Variants in FTO observed in about 807,000 individuals in gnomAD.
The protein encoded by FTO is FTO alpha-ketoglutarate dependent dioxygenase, also known as alpha-ketoglutarate-dependent dioxygenase FTO.
A neutral mutation model predicts 63.9 loss-of-function variants in FTO; 47 were observed. The observed-to-expected ratio is 0.74, with a 90% CI of 0.58 to 0.94. FTO has a LOEUF of 0.94. Among genes scored for constraint, FTO ranks in the 40% least tolerant of loss-of-function variants. The probability of loss-of-function intolerance (pLI) is 0.00; values close to 1 mark genes in which losing one functional copy is unlikely to be tolerated. For missense variants in FTO, 562 were observed against 618.1 expected (o/e 0.91, Z 0.96); for synonymous variants, 207 against 224.4 (o/e 0.92, Z 0.69).
intron 3 of FTO, among the ~76,000 whole-genome samples, chr16:53,842,293 C>T (rs961584421): frequency 6.6e-6 from 1 of 152,180 alleles, no homozygotes; most frequent in Non-Finnish European, 1.5e-5. Context: ...TGCACATTTA[C>T]AGCTCCACTA....
chr16:53,957,593 A>G (rs1167751104), intron 8 of FTO, among the ~76,000 whole-genome samples: 4 of 152,198 alleles, frequency 2.6e-5, no homozygotes, highest in Non-Finnish European at 5.9e-5. Flanking sequence ...GAGAAACATG[A>G]GTTATTTTCA....
At position 53,934,089 on chromosome 16, in the gene FTO, G is replaced by C. The variant is rs2143262546; in HGVS notation, c.1344G>C (p.Leu448=). 2 of 1,614,190 alleles carry C rather than the reference G, an allele frequency of 1.2e-6. No homozygotes were observed. The highest frequency in any genetic ancestry group is 1.7e-6 in the Non-Finnish European group (2 of 1,179,996). ...CCTCGCTCACTGCACGCCAGAACCT[G>C]AGGAGAGAATGGCATGCCAGGTTAG... is the stretch of plus-strand genomic sequence containing the variant. The part of the protein sequence containing the change: ...ILASLTARQN[L]RREWHARCQS... The change falls in exon 8 of 9, where the codon CTG becomes CTC. Residue 448 remains leucine (L), a synonymous_variant. Coordinates refer to ENST00000471389, the MANE Select transcript of FTO (RefSeq NM_001080432.3).
intron 1 of FTO, among the ~76,000 whole-genome samples, chr16:53,708,735 T>C (rs1362766529): frequency 6.6e-6 from 1 of 152,226 alleles, no homozygotes; most frequent in Non-Finnish European, 1.5e-5. Context: ...TGAAGTAGTA[T>C]CTCATTGTGG....
chr16:53,855,824 T>G (rs1242288162), intron 4 of FTO, among the ~76,000 whole-genome samples: 1 of 152,232 alleles, frequency 6.6e-6, no homozygotes, highest in African/African-American at 2.4e-5. Flanking sequence ...TGGATCCATC[T>G]GTACATTCCC....
intron 1 of FTO, among the ~76,000 whole-genome samples, chr16:53,766,501 G>A (rs1279773795): frequency 1.3e-5 from 2 of 152,164 alleles, no homozygotes; most frequent in Non-Finnish European, 2.9e-5. Flanking sequence ...GGGATTACAG[G>A]TGTGAGCCTC....
chr16:54,088,662 G>A (rs1233545267), intron 8 of FTO, among the ~76,000 whole-genome samples: 5 of 152,158 alleles, frequency 3.3e-5, no homozygotes, highest in Non-Finnish European at 5.9e-5. Context: ...TTTCAATAGG[G>A]GGAAAATGAG....
intron 8 of FTO, chr16:54,069,789 C>T (rs1275850003): frequency 1.3e-5 from 2 of 152,128 alleles, no homozygotes; most frequent in Non-Finnish European, 2.9e-5. Flanking sequence ...ACAGACATCA[C>T]TCCTATCATT....
Position 53,787,377 on chromosome 16 carries a change from G to A in FTO, c.46-22763G>A, listed in dbSNP as rs559903655. ...ATATTGGCCAACTTACTTTGATTTC[G>A]GTAGTCATAACACCACCCTGGAAGG... On this transcript the variant is annotated intron_variant, in intron 1 of 8. Coordinates refer to ENST00000471389, the MANE Select transcript of FTO (RefSeq NM_001080432.3). Among the ~76,000 whole-genome samples, 30 of 150,540 alleles carry A rather than the reference G, an allele frequency of 2.0e-4. No homozygotes were observed. In the East Asian group the frequency reaches 2.2e-3, roughly 11 times the overall value.
intron 4 of FTO, among the ~76,000 whole-genome samples, chr16:53,853,536 A>G (rs1477480119): frequency 1.3e-5 from 2 of 151,846 alleles, no homozygotes; most frequent in African/African-American, 2.4e-5. Flanking sequence ...TCATGTGCCC[A>G]TAGCTTAGTG....
intron 7 of FTO, among the ~76,000 whole-genome samples, chr16:53,902,427 C>A (rs1317760442): frequency 1.3e-5 from 2 of 152,316 alleles, no homozygotes; most frequent in East Asian, 3.9e-4. Context: ...CTTTCTACTA[C>A]TCCCTAAATA....
chr16:53,950,683 T>A (rs1599067795), intron 8 of FTO, among the ~76,000 whole-genome samples: 2 of 152,358 alleles, frequency 1.3e-5, no homozygotes, highest in East Asian at 3.9e-4. Context: ...AACTTACAGC[T>A]TGCATTAATA....
intron 8 of FTO, chr16:54,039,864 A>G (rs856983): frequency 0.48 from 73,639 of 152,036 alleles, 20,541 homozygotes; most frequent in African/African-American, 0.77. Flanking sequence ...TCTCTATATT[A>G]GATTGAAATC....
chr16:53,774,068 A>G (rs1244450806), intron 1 of FTO, among the ~76,000 whole-genome samples: 1 of 152,238 alleles, frequency 6.6e-6, no homozygotes, highest in Non-Finnish European at 1.5e-5. Flanking sequence ...TAATATTTCT[A>G]TAGCAACAAT....
At position 54,059,199 on chromosome 16, in the gene FTO, G is replaced by C. The variant is rs185257268; in HGVS notation, c.1365-52563G>C. Among the ~76,000 whole-genome samples, 658 of 152,336 alleles carry C rather than the reference G, an allele frequency of 4.3e-3. 5 individuals carry two copies. The highest frequency in any genetic ancestry group is 7.0e-3 in the Non-Finnish European group (473 of 68,040). On this transcript the variant is annotated intron_variant, in intron 8 of 8. Coordinates refer to ENST00000471389, the MANE Select transcript of FTO (RefSeq NM_001080432.3). ...AGGAAGCTCGATTTACCTTGCAGCCGAGTGAAAAATGATCAGAATATTAGA... is the reference window on the plus strand; with the variant it reads ...AGGAAGCTCGATTTACCTTGCAGCCCAGTGAAAAATGATCAGAATATTAGA...
intron 7 of FTO, among the ~76,000 whole-genome samples, chr16:53,905,037 C>G (rs186487793): frequency 6.6e-6 from 1 of 152,046 alleles, no homozygotes; most frequent in African/African-American, 2.4e-5. Context: ...GAAAAGAGAT[C>G]TCAGCAGGGG....
intron 1 of FTO, among the ~76,000 whole-genome samples, chr16:53,744,023 A>G (rs1391819518): frequency 6.6e-6 from 1 of 152,220 alleles, no homozygotes; most frequent in African/African-American, 2.4e-5. Flanking sequence ...AAGTACAGAC[A>G]TCATTTTCTC....
intron 8 of FTO, among the ~76,000 whole-genome samples, chr16:54,100,752 T>C (rs1476434338): frequency 6.6e-6 from 1 of 152,192 alleles, no homozygotes; most frequent in Non-Finnish European, 1.5e-5. Context: ...ACAATGTCTT[T>C]ATAATCTCTC....
At chr16:53,725,136 T>A (rs2076125633) in intron 1 of FTO, among the ~76,000 whole-genome samples, 1 of 152,216 alleles carries the variant, frequency 6.6e-6, no homozygotes, top group South Asian at 2.1e-4. Flanking sequence ...TTTTCATTTG[T>A]CCTGTGGTGT....
chr16:53,836,171 A>G (rs2079287460), intron 3 of FTO, among the ~76,000 whole-genome samples: 1 of 152,232 alleles, frequency 6.6e-6, no homozygotes, highest in Admixed American at 6.5e-5. Context: ...GATTACAGGC[A>G]TGAGCCACTG....
Sources: gnomAD v4.1 joint callset for allele counts (sites outside exome capture counted in the v4.1 genomes callset) on GRCh38, gnomAD v4.1.1 for gene constraint, MANE v1.5 for transcripts, NCBI Gene and HGNC (gene_info 2026-07-23, HGNC 2026-07-21) for gene names.